Variants in DMBT1 observed in about 807,000 individuals in gnomAD.
DMBT1 encodes the protein scavenger receptor cysteine-rich domain-containing protein DMBT1.
DMBT1 carries 198 observed loss-of-function variants against 252.9 expected under a neutral mutation model. The ratio of observed to expected loss-of-function variants is 0.78; its 90% confidence interval spans 0.70 to 0.88. DMBT1 has a LOEUF of 0.88. Among genes scored for constraint, DMBT1 ranks in the 40% least tolerant of loss-of-function variants. DMBT1 has a pLI of 0.00. For synonymous variants in DMBT1, 990 were observed against 942.7 expected (o/e 1.05, Z -0.92); for missense variants, 2,432 against 2,404.7 (o/e 1.01, Z -0.24).
At chr10:122,642,138 T>C (rs1844655401) in intron 55 of DMBT1, among the ~76,000 whole-genome samples, 1 of 151,938 alleles carries the variant, frequency 6.6e-6, no homozygotes, top group Non-Finnish European at 1.5e-5. Context: ...CCTCTGGCTA[T>C]TTTTGCTTCC....
intron 40 of DMBT1, 112 bp downstream of exon 40, chr10:122,617,372 G>T: frequency 7.5e-7 from 1 of 1,332,682 alleles, no homozygotes; most frequent in South Asian, 1.3e-5. Context: ...TGTCCCTGTG[G>T]GTTGGGTGGG....
chr10:122,570,851 GGCTACCATCAATGA>G (rs772497741), intron 3 of DMBT1, 25 bp from the exon 4 acceptor site: 93 of 1,605,502 alleles, frequency 5.8e-5, no homozygotes, highest in Non-Finnish European at 7.3e-5. Context: ...CCCAAACAAG[GGCTACCATCAATGA>G]GCTCTTCCTT....
chr10:122,631,811 G>A (rs1026815504), intron 49 of DMBT1, 44 bp from the exon 50 acceptor site: 5 of 1,612,200 alleles, frequency 3.1e-6, no homozygotes, highest in Non-Finnish European at 4.2e-6. Context: ...CCTCCTCCAA[G>A]CCACATGTCT....
At chr10:122,580,690 C>T (rs1256377917) in intron 10 of DMBT1, among the ~76,000 whole-genome samples, 176 bp from the exon 11 acceptor site, 1 of 152,062 alleles carries the variant, frequency 6.6e-6, no homozygotes. Context: ...CAGGATCTGC[C>T]TCGACCCCTT....
intron 10 of DMBT1, among the ~76,000 whole-genome samples, chr10:122,580,555 G>C (rs1033763797): frequency 6.6e-6 from 1 of 152,188 alleles, no homozygotes; most frequent in Admixed American, 6.5e-5. Context: ...ATTTTGGCTG[G>C]AGTGGCTTCC....
At chr10:122,590,531 A>T in intron 17 of DMBT1, 134 bp from the exon 18 acceptor site, 7 of 1,137,994 alleles carry the variant, frequency 6.2e-6, no homozygotes, top group Non-Finnish European at 9.2e-6. Context: ...GGGGACGTGC[A>T]TGGCAATGCC....
intron 24 of DMBT1, 76 bp from the exon 25 acceptor site, chr10:122,597,898 T>C: frequency 6.2e-7 from 1 of 1,609,164 alleles, no homozygotes; most frequent in Non-Finnish European, 8.5e-7. Context: ...GATGTTTGCC[T>C]TCTCCGGAGA....
intron 28 of DMBT1, 63 bp downstream of exon 28, chr10:122,601,086 C>T (rs2097951150): frequency 1.6e-6 from 1 of 640,484 alleles, no homozygotes. Context: ...GTGTTTGAAA[C>T]TGATAGGATG....
intron 6 of DMBT1, among the ~76,000 whole-genome samples, chr10:122,575,839 T>C (rs2097707296): frequency 6.6e-6 from 1 of 152,178 alleles, no homozygotes; most frequent in Admixed American, 6.5e-5. Context: ...CAAGAGCCTG[T>C]GTGCTTTGGA....
rs1485165182 is a variant in DMBT1 at position 122,593,603 on chromosome 10, G to A, written c.2530+5G>A. On this transcript the variant is annotated splice_donor_5th_base_variant and intron_variant, in intron 21 of 55. Coordinates refer to ENST00000338354, the MANE Select transcript of DMBT1 (RefSeq NM_001377530.1). ...CCCGGCCGACACCCAGTCCAGGTAG[G>A]TCCCCAGTGTCCTTCCTCAAAATGT... 6 of 1,586,224 alleles carry A rather than the reference G, an allele frequency of 3.8e-6. No homozygotes were observed. The highest frequency in any genetic ancestry group is 5.2e-6 in the Non-Finnish European group (6 of 1,164,186).
At chr10:122,642,286 C>T (rs1056796558) in intron 55 of DMBT1, among the ~76,000 whole-genome samples, 1 of 152,210 alleles carries the variant, frequency 6.6e-6, no homozygotes, top group Non-Finnish European at 1.5e-5. Flanking sequence ...AGATCCTGGC[C>T]AGGTTCCCAG....
Position 122,570,169 on chromosome 10 carries a change from G to A in DMBT1, c.99G>A (p.Leu33=). Residue 33 remains leucine, a synonymous_variant, in exon 3 of 56, where the codon CTG becomes CTA. Transcript: ENST00000338354. ...WIPRTTDYAS[L]IPSEVPLDPT... is the part of the protein sequence containing the mutation. Reference sequence around the variant, plus strand: ...TCCTTTTCCACCTCGCAGCTTCACTGATTCCCTCGGAGGTGCCCTTGGATC... The same window carrying A: ...TCCTTTTCCACCTCGCAGCTTCACTAATTCCCTCGGAGGTGCCCTTGGATC... 6.3e-7 allele frequency: 1 copy of A among 1,593,644 alleles called. No individual in the cohort carries two copies. The highest frequency in any genetic ancestry group is 8.6e-7 in the Non-Finnish European group (1 of 1,161,494).
In DMBT1 at chr10:122,631,885, T is replaced by C. The variant is rs1442269161; in HGVS notation, c.6367+10T>C. 1.2e-6 allele frequency: 2 copies of C among 1,613,600 alleles called. No individual in the cohort carries two copies. Among genetic ancestry groups the C allele is most frequent in the African/African-American group, 1.3e-5 (1 of 74,904 alleles). ...CATCTATCGACACCTGGTAAGTCCC[T>C]CCGATTTCCATTCCACTTCCCTGGT... On this transcript the variant is annotated intron_variant, in intron 50 of 55. Coordinates refer to ENST00000338354, the MANE Select transcript of DMBT1 (RefSeq NM_001377530.1).
chr10:122,561,582 C>CTCTA (rs144834746), intron 1 of DMBT1, among the ~76,000 whole-genome samples: 34 of 147,584 alleles, frequency 2.3e-4, no homozygotes, highest in South Asian at 1.1e-3. Flanking sequence ...CTCTCTCTCT[C>CTCTA]TCTTTCTCTC....
chr10:122,599,999 C>G (rs1031668742), intron 26 of DMBT1, 65 bp from the exon 27 acceptor site: 1 of 1,588,798 alleles, frequency 6.3e-7, no homozygotes, highest in African/African-American at 1.4e-5. Context: ...TCTTTCCCTC[C>G]TCGTTCCACT....
At chr10:122,590,607 G>C in intron 17 of DMBT1, 58 bp from the exon 18 acceptor site, 1 of 1,568,026 alleles carries the variant, frequency 6.4e-7, no homozygotes, top group Non-Finnish European at 8.7e-7. Context: ...TTGTACCTTT[G>C]TTCTGGTTTT....
At chr10:122,598,275 G>A (rs1229219014) in intron 25 of DMBT1, among the ~76,000 whole-genome samples, 6 of 152,132 alleles carry the variant, frequency 3.9e-5, no homozygotes, top group African/African-American at 1.4e-4. Flanking sequence ...GAAAAGCCCT[G>A]GAGGGTTCCC....
intron 17 of DMBT1, among the ~76,000 whole-genome samples, chr10:122,589,892 T>TCA (rs1395177329): frequency 6.7e-6 from 1 of 148,600 alleles, no homozygotes; most frequent in African/African-American, 2.4e-5. Flanking sequence ...ACATCAGGCC[T>TCA]CACCTCTATA....
intron 6 of DMBT1, 108 bp downstream of exon 6, chr10:122,573,870 C>G: frequency 7.2e-7 from 1 of 1,398,008 alleles, no homozygotes; most frequent in Non-Finnish European, 1.0e-6. Context: ...GGGTGCTTAG[C>G]TCCCACGAGG....
Sources: allele counts gnomAD v4.1 joint callset (sites outside exome capture counted in the v4.1 genomes callset), GRCh38; gene constraint gnomAD v4.1.1; transcripts MANE v1.5; gene names NCBI Gene and HGNC (gene_info 2026-07-23, HGNC 2026-07-21).